AJAP1: variants seen among roughly 807,000 people sequenced by gnomAD.
AJAP1 encodes the protein adherens junctions associated protein 1.
A neutral mutation model predicts 35.0 loss-of-function variants in AJAP1; 5 were observed. That is an observed-to-expected ratio of 0.14 (90% CI 0.07 to 0.30). The LOEUF is 0.30. AJAP1 is among the 10% of genes least tolerant of loss of function. AJAP1 has a pLI of 1.00. For synonymous variants in AJAP1, 284 were observed against 249.3 expected (o/e 1.14, Z -1.31); for missense variants, 586 against 571.0 (o/e 1.03, Z -0.27).
intron 1 of AJAP1, among the ~76,000 whole-genome samples, chr1:4,657,922 G>A (rs578239049): frequency 6.6e-6 from 1 of 152,218 alleles, no homozygotes; most frequent in South Asian, 2.1e-4. Flanking sequence ...GAGCTCCAAA[G>A]ATACTTTCCA....
chr1:4,700,676 G>T (rs1639967140), intron 1 of AJAP1, among the ~76,000 whole-genome samples: 1 of 152,150 alleles, frequency 6.6e-6, no homozygotes, highest in South Asian at 2.1e-4. Context: ...TCGTGCTGGG[G>T]GCCCAGTCTG....
intron 1 of AJAP1, among the ~76,000 whole-genome samples, chr1:4,676,086 T>C (rs540545124): frequency 2.7e-4 from 41 of 152,288 alleles, no homozygotes; most frequent in Middle Eastern, 6.8e-3. Context: ...ATCTCCTCTT[T>C]CCTGGTTCCT....
chr1:4,747,849 G>C (rs938895900), intron 2 of AJAP1, among the ~76,000 whole-genome samples: 2 of 151,934 alleles, frequency 1.3e-5, no homozygotes, highest in Non-Finnish European at 2.9e-5. Flanking sequence ...TGTGCCGGGC[G>C]TGGTGGCACA....
chr1:4,733,652 G>A (rs1031570370), intron 2 of AJAP1, among the ~76,000 whole-genome samples: 45 of 151,828 alleles, frequency 3.0e-4, no homozygotes, highest in African/African-American at 5.6e-4. Flanking sequence ...TGCTCCGAGC[G>A]CGGGAAATCC....
intron 3 of AJAP1, 43 bp from the exon 4 acceptor site, chr1:4,772,237 C>T (rs369037620): frequency 1.4e-5 from 23 of 1,608,364 alleles, no homozygotes; most frequent in African/African-American, 8.0e-5. Flanking sequence ...TGTGGGTTTC[C>T]GGCCTCTGCC....
At chr1:4,731,995 GGACA>G (rs1382598915) in intron 2 of AJAP1, among the ~76,000 whole-genome samples, 1 of 152,234 alleles carries the variant, frequency 6.6e-6, no homozygotes, top group Non-Finnish European at 1.5e-5. Context: ...GCAGCCTTAG[GGACA>G]GAGTAGGGAG....
In AJAP1 at chr1:4,783,208, T is replaced by C; in HGVS notation, c.*723T>C. On this transcript the variant is annotated 3_prime_UTR_variant, in exon 6 of 6. Coordinates refer to ENST00000378191, the MANE Select transcript of AJAP1 (RefSeq NM_018836.4). ...TTGGCAACTCACGTCACACACATAT[T>C]ACACACATGTGCGCATTACACACAC... is the stretch of plus-strand genomic sequence containing the variant. 7.2e-6 allele frequency: 1 copy of C among 138,152 alleles called. No homozygotes were observed. Among genetic ancestry groups the C allele is most frequent in the Non-Finnish European group, 1.3e-5 (1 of 74,698 alleles). 8.6% of individuals were successfully genotyped at this position (138,152 alleles called of 1,614,324 possible).
In AJAP1 at chr1:4,748,409, C is replaced by T. The variant is rs189204967; in HGVS notation, c.830-21444C>T. Reference sequence around the variant, plus strand: ...CAAGGGGGAGGCACTGCCTAGGCGTCGGCCTCTGTGACTGGTAGTCACGAC... The same window carrying T: ...CAAGGGGGAGGCACTGCCTAGGCGTTGGCCTCTGTGACTGGTAGTCACGAC... On this transcript the variant is annotated intron_variant, in intron 2 of 5. Transcript: ENST00000378191. Among the ~76,000 whole-genome samples the T allele has an allele frequency of 1.1e-3, 161 of 152,258 alleles. 3 individuals are homozygous for T. The highest frequency in any genetic ancestry group is 3.6e-3 in the African/African-American group (148 of 41,542).
At chr1:4,770,720 G>A (rs966358192) in intron 3 of AJAP1, among the ~76,000 whole-genome samples, 4 of 152,164 alleles carry the variant, frequency 2.6e-5, no homozygotes, top group Admixed American at 1.3e-4. Context: ...GGTGGAAACC[G>A]CATCAGAGCC....
At chr1:4,671,368 CA>C (rs35552154) in intron 1 of AJAP1, among the ~76,000 whole-genome samples, 31,910 of 128,526 alleles carry the variant, frequency 0.25, 3,868 homozygotes, top group Middle Eastern at 0.43. Flanking sequence ...GACTCTGCCT[CA>C]AAAAAAAAAA....
intron 2 of AJAP1, among the ~76,000 whole-genome samples, chr1:4,759,656 T>C (rs1464342117): frequency 1.3e-5 from 2 of 152,180 alleles, no homozygotes; most frequent in Admixed American, 1.3e-4. Context: ...CAGGCACATG[T>C]CTGCTGAATG....
At chr1:4,680,611 C>T (rs1262018634) in intron 1 of AJAP1, among the ~76,000 whole-genome samples, 2 of 152,342 alleles carry the variant, frequency 1.3e-5, no homozygotes, top group Non-Finnish European at 2.9e-5. Flanking sequence ...GGCCTCCATC[C>T]AGGCCACTGA....
intron 2 of AJAP1, among the ~76,000 whole-genome samples, chr1:4,756,934 C>A (rs1308802686): frequency 6.6e-6 from 1 of 152,130 alleles, no homozygotes; most frequent in East Asian, 1.9e-4. Context: ...CCCTAGCCCT[C>A]CCTAGCCTCA....
intron 1 of AJAP1, among the ~76,000 whole-genome samples, chr1:4,684,183 A>G (rs1373002853): frequency 2.0e-5 from 3 of 152,160 alleles, no homozygotes; most frequent in Non-Finnish European, 4.4e-5. Flanking sequence ...TGCTGTCTGC[A>G]TGTGCAGGGC....
chr1:4,776,393 T>TAAATGACTTGGCC (rs1553162056), intron 5 of AJAP1, among the ~76,000 whole-genome samples: 2 of 152,124 alleles, frequency 1.3e-5, no homozygotes, highest in Non-Finnish European at 2.9e-5. Flanking sequence ...AGTGGGAGGT[T>TAAATGACTTGGCC]AAATGACTTG....
At chr1:4,679,262 T>C (rs1481299956) in intron 1 of AJAP1, among the ~76,000 whole-genome samples, 2 of 152,162 alleles carry the variant, frequency 1.3e-5, no homozygotes, top group African/African-American at 4.8e-5. Flanking sequence ...CATTGGATTC[T>C]CTCCTGCTTG....
chr1:4,715,453 G>A (rs773530215), intron 2 of AJAP1, among the ~76,000 whole-genome samples: 2 of 152,228 alleles, frequency 1.3e-5, no homozygotes, highest in Non-Finnish European at 2.9e-5. Flanking sequence ...GGAGGCTGAG[G>A]CGGATGGATC....
At chr1:4,769,993 T>C in intron 3 of AJAP1, 53 bp downstream of exon 3, 3 of 1,476,578 alleles carry the variant, frequency 2.0e-6, no homozygotes, top group Non-Finnish European at 2.8e-6. Context: ...CCGGGGTCCC[T>C]GGGTGGTGAA....
At chr1:4,675,953 G>T (rs929137230) in intron 1 of AJAP1, among the ~76,000 whole-genome samples, 40 of 152,246 alleles carry the variant, frequency 2.6e-4, no homozygotes, top group African/African-American at 9.2e-4. Context: ...CGTGGAGTCT[G>T]CTCGCCTTCC....
Sources: gnomAD v4.1 joint callset for allele counts (sites outside exome capture counted in the v4.1 genomes callset) on GRCh38, gnomAD v4.1.1 for gene constraint, MANE v1.5 for transcripts, NCBI Gene and HGNC (gene_info 2026-07-23, HGNC 2026-07-21) for gene names.